The following RBFOX2 variants were observed in gnomAD, a reference collection of about 807,000 sequenced individuals.
RBFOX2 encodes RNA binding protein fox-1 homolog 2.
A neutral mutation model predicts 49.1 loss-of-function variants in RBFOX2; 10 were observed. The observed-to-expected ratio is 0.20, with a 90% confidence interval of 0.13 to 0.35. The LOEUF is 0.35. Ranked by LOEUF, RBFOX2 falls within the 10% of genes least tolerant of loss-of-function variation. The pLI is 1.00. For missense variants in RBFOX2, 323 were observed against 486.9 expected (o/e 0.66, Z 3.17); for synonymous variants, 183 against 187.4 (o/e 0.98, Z 0.19).
intron 1 of RBFOX2, among the ~76,000 whole-genome samples, chr22:35,838,393 G>A (rs1024459434): frequency 6.6e-6 from 1 of 151,924 alleles, no homozygotes; most frequent in Non-Finnish European, 1.5e-5. Flanking sequence ...GGACCAACAT[G>A]GGCATTTTGT....
intron 1 of RBFOX2, among the ~76,000 whole-genome samples, chr22:35,874,902 T>G (rs1321408153): frequency 6.6e-6 from 1 of 152,182 alleles, no homozygotes; most frequent in African/African-American, 2.4e-5. Context: ...GAGATGGAGC[T>G]TCTAAGGAAA....
intron 1 of RBFOX2, among the ~76,000 whole-genome samples, chr22:35,913,151 T>C (rs947506952): frequency 2.6e-5 from 4 of 152,160 alleles, no homozygotes; most frequent in Admixed American, 6.5e-5. Context: ...AGAACTCACC[T>C]TTAAAAAGCT....
intron 1 of RBFOX2, among the ~76,000 whole-genome samples, chr22:35,894,294 C>T (rs1431288767): frequency 6.6e-6 from 1 of 152,180 alleles, no homozygotes; most frequent in African/African-American, 2.4e-5. Flanking sequence ...ACTTTCCTCA[C>T]ACAATTTTAA....
chr22:35,764,216 C>T (rs371771068), intron 6 of RBFOX2, among the ~76,000 whole-genome samples: 6 of 152,068 alleles, frequency 3.9e-5, no homozygotes, highest in Non-Finnish European at 8.8e-5. Flanking sequence ...ATAGTCAATA[C>T]GGATACATTT....
intron 2 of RBFOX2, among the ~76,000 whole-genome samples, chr22:35,808,178 TAAA>T (rs1338849676): frequency 6.6e-6 from 1 of 152,216 alleles, no homozygotes; most frequent in Non-Finnish European, 1.5e-5. Flanking sequence ...TCATGATCAT[TAAA>T]AAGTTATTTG....
At chr22:35,978,434 A>G (rs898172637) in intron 1 of RBFOX2, among the ~76,000 whole-genome samples, 19 of 152,178 alleles carry the variant, frequency 1.2e-4, no homozygotes, top group African/African-American at 3.9e-4. Flanking sequence ...GCCTAGAGGC[A>G]AGGACACTCT....
In RBFOX2 at chr22:35,749,733, T is replaced by C. The variant is rs1193263315; in HGVS notation, c.888-3172A>G. Among the ~76,000 whole-genome samples the C allele has an allele frequency of 6.6e-6, 1 of 152,208 alleles. No homozygotes were observed. The highest frequency in any genetic ancestry group is 1.5e-5 in the Non-Finnish European group (1 of 68,034). The stretch of plus-strand genomic sequence containing the variant: ...TATAAAACATGAGAACAAAGTGCAG[T>C]TTGAAACACCAAGGTTTTCATTACT... On this transcript the variant is annotated intron_variant, in intron 9 of 11. Coordinates refer to ENST00000405409, the Ensembl canonical transcript of RBFOX2. This position sits in a 1 kb window ranked among gnomAD's most constrained non-coding sequence, Gnocchi z 4.1.
intron 1 of RBFOX2, among the ~76,000 whole-genome samples, chr22:36,007,940 C>T (rs947353665): frequency 5.9e-5 from 9 of 152,086 alleles, no homozygotes; most frequent in Non-Finnish European, 8.8e-5. Flanking sequence ...TTCCTGTCAA[C>T]GAGCATTTTT....
intron 1 of RBFOX2, among the ~76,000 whole-genome samples, chr22:35,911,520 G>C (rs1024293287): frequency 2.6e-5 from 4 of 152,094 alleles, no homozygotes; most frequent in Non-Finnish European, 5.9e-5. Flanking sequence ...TAATATACAG[G>C]ATACCACATT....
intron 1 of RBFOX2, among the ~76,000 whole-genome samples, chr22:35,949,634 T>C (rs902468935): frequency 6.6e-6 from 1 of 152,228 alleles, no homozygotes; most frequent in South Asian, 2.1e-4. Context: ...TTATATTTCC[T>C]TTACAACTTA....
rs554036837 is a variant in RBFOX2 at position 35,835,067 on chromosome 22, A to C, written c.27+5125T>G. Among the ~76,000 whole-genome samples the C allele has an allele frequency of 4.9e-4, 74 of 152,352 alleles. 1 individual carries two copies. In the South Asian group the frequency reaches 0.015, roughly 31 times the overall value. ...AGAGGTTGAACACTGGAGCCCACTA[A>C]GAAAGGTGCTACAATCAAAAGAGCA... On this transcript the variant is annotated intron_variant, in intron 1 of 11. Transcript: ENST00000405409.
At chr22:35,741,253 C>T (rs1929807080) in exon 12 of RBFOX2, 1 of 152,226 alleles carries the variant, frequency 6.6e-6, no homozygotes, top group East Asian at 1.9e-4. Context: ...AGCCCAGCTT[C>T]CAAGAGTACA....
exon 1 of RBFOX2, chr22:35,961,624 G>A: frequency 1.5e-6 from 2 of 1,303,892 alleles, no homozygotes; most frequent in Non-Finnish European, 2.0e-6. Flanking sequence ...TTCCTTCCTG[G>A]AATTCTAAAC....
intron 1 of RBFOX2, among the ~76,000 whole-genome samples, chr22:35,810,780 C>G (rs1029376887): frequency 3.9e-5 from 6 of 152,132 alleles, no homozygotes; most frequent in Admixed American, 2.0e-4. Context: ...GATATATGCA[C>G]TTATATTCTC....
chr22:35,871,908 A>G (rs1381895099), intron 1 of RBFOX2, among the ~76,000 whole-genome samples: 2 of 152,226 alleles, frequency 1.3e-5, no homozygotes, highest in African/African-American at 2.4e-5. Flanking sequence ...GCTCCTTAAC[A>G]TAAGGTCAGA....
At chr22:35,862,437 C>A (rs568621071) in intron 1 of RBFOX2, among the ~76,000 whole-genome samples, 4 of 151,806 alleles carry the variant, frequency 2.6e-5, no homozygotes, top group African/African-American at 2.4e-5. Context: ...TAAAACACTA[C>A]AGAAAAGGTC....
chr22:35,819,949 G>GACT (rs980654383), intron 1 of RBFOX2, among the ~76,000 whole-genome samples: 3 of 152,156 alleles, frequency 2.0e-5, no homozygotes, highest in African/African-American at 7.2e-5. Flanking sequence ...GATGGAAGAA[G>GACT]ACTCCAGACA....
At chr22:35,944,258 A>C (rs935070977) in intron 1 of RBFOX2, among the ~76,000 whole-genome samples, 1 of 152,206 alleles carries the variant, frequency 6.6e-6, no homozygotes. Flanking sequence ...GAGGTGAGTG[A>C]TAACTTCAAA....
chr22:35,986,899 T>C (rs2057748124), intron 1 of RBFOX2, among the ~76,000 whole-genome samples: 2 of 152,082 alleles, frequency 1.3e-5, no homozygotes, highest in Admixed American at 6.5e-5. Context: ...ATACCAAGCA[T>C]TACTCAGTCA....
Sources: gnomAD v4.1 joint callset for allele counts (sites outside exome capture counted in the v4.1 genomes callset) on GRCh38, gnomAD v4.1.1 for gene constraint, Gnocchi (gnomAD v3.1) non-coding constraint, MANE v1.5 for transcripts, NCBI Gene and HGNC (gene_info 2026-07-23, HGNC 2026-07-21) for gene names.